The following DNAAF4 variants were observed in gnomAD, a reference collection of about 807,000 sequenced individuals.
The protein encoded by DNAAF4 is dynein axonemal assembly factor 4.
Under a neutral mutation model 51.8 loss-of-function variants are expected in DNAAF4, and 43 were observed. That is an observed-to-expected ratio of 0.83 (90% confidence interval 0.65 to 1.07). The LOEUF is 1.07. Among genes scored for constraint, DNAAF4 ranks in the 50% least tolerant of loss-of-function variants. DNAAF4 has a pLI of 0.00. For missense variants in DNAAF4, 581 were observed against 493.0 expected, an observed-to-expected ratio of 1.18 and a Z score of -1.69; for synonymous variants, 194 against 165.6, an observed-to-expected ratio of 1.17 and a Z score of -1.32.
chr15:55,425,452 A>G (rs1281834166), downstream of DNAAF4, among the ~76,000 whole-genome samples: 2 of 152,142 alleles, frequency 1.3e-5, no homozygotes, highest in Non-Finnish European at 1.5e-5. Flanking sequence ...CTACTTGTCC[A>G]TGCCATATTT....
intron 1 of DNAAF4, among the ~76,000 whole-genome samples, chr15:55,500,002 C>T (rs367845365): frequency 6.6e-6 from 1 of 152,082 alleles, no homozygotes; most frequent in East Asian, 1.9e-4. Context: ...TTTAGATACA[C>T]ACAAATTACT....
chr15:55,429,710 G>A (rs1442101293), downstream of DNAAF4, among the ~76,000 whole-genome samples: 7 of 151,504 alleles, frequency 4.6e-5, no homozygotes, highest in Non-Finnish European at 1.0e-4. Context: ...CCATCTACTC[G>A]GGAGGCTAAG....
intron 1 of DNAAF4, among the ~76,000 whole-genome samples, chr15:55,504,339 C>G (rs183950536): frequency 6.6e-6 from 1 of 152,088 alleles, no homozygotes; most frequent in African/African-American, 2.4e-5. Flanking sequence ...GAAAATGGTC[C>G]TACTGCCCAA....
chr15:55,463,465 G>A (rs1457561555), intron 5 of DNAAF4, among the ~76,000 whole-genome samples: 1 of 151,982 alleles, frequency 6.6e-6, no homozygotes, highest in African/African-American at 2.4e-5. Context: ...GAAAGAAAGA[G>A]CATCTAAATC....
In DNAAF4 at chr15:55,498,189, C is replaced by G. The variant is rs764764873; in HGVS notation, c.123+18G>C. On this transcript the variant is annotated intron_variant, in intron 2 of 9. Transcript: ENST00000321149. ...GACCACACCCCCGGAGACCGGCAGGCAAGACTTGCATTCTTACCTTCAGAT... is the reference window on the plus strand; with the variant it reads ...GACCACACCCCCGGAGACCGGCAGGGAAGACTTGCATTCTTACCTTCAGAT... 5 of 1,613,932 alleles carry G rather than the reference C, an allele frequency of 3.1e-6. No individual in the cohort carries two copies. The South Asian group carries it at 5.5e-5, about 18-fold the overall frequency.
At chr15:55,453,845 T>G (rs1448806316) in intron 5 of DNAAF4, among the ~76,000 whole-genome samples, 3 of 151,848 alleles carry the variant, frequency 2.0e-5, no homozygotes, top group Admixed American at 6.6e-5. Flanking sequence ...CCACAGCGCC[T>G]GGCCAAAAAA....
Position 55,497,668 on chromosome 15 carries a change from C to G in DNAAF4, c.271+44G>C, listed in dbSNP as rs77409626. On this transcript the variant is annotated intron_variant, in intron 3 of 9. Transcript: ENST00000321149. The stretch of plus-strand genomic sequence containing the variant: ...TAAAATTTTTTAAAAGGTCTGAAAC[C>G]GAAAAGGTACAACCAGATGAACATC... 3.1e-4 allele frequency: 478 copies of G among 1,558,262 alleles called. 1 individual carries two copies. In the African/African-American group the frequency reaches 6.1e-3, roughly 20 times the overall value.
intron 4 of DNAAF4, among the ~76,000 whole-genome samples, chr15:55,470,169 A>T (rs2058233131): frequency 6.6e-6 from 1 of 151,390 alleles, no homozygotes; most frequent in Non-Finnish European, 1.5e-5. Flanking sequence ...GTCCTGCCTC[A>T]GCCTCCTGAG....
At chr15:55,465,238 A>G (rs2058151163) in intron 5 of DNAAF4, among the ~76,000 whole-genome samples, 1 of 152,220 alleles carries the variant, frequency 6.6e-6, no homozygotes, top group Non-Finnish European at 1.5e-5. Context: ...CATTTGATCC[A>G]GCAATCCCCC....
At chr15:55,472,861 G>C (rs2058274203) in intron 4 of DNAAF4, among the ~76,000 whole-genome samples, 1 of 151,828 alleles carries the variant, frequency 6.6e-6, no homozygotes, top group Non-Finnish European at 1.5e-5. Context: ...TGCAAAAATT[G>C]TAAATAAAAC....
At chr15:55,505,430 G>T (rs1042839804) in intron 1 of DNAAF4, among the ~76,000 whole-genome samples, 3 of 151,902 alleles carry the variant, frequency 2.0e-5, no homozygotes, top group Admixed American at 6.6e-5. Flanking sequence ...ATATATAAAA[G>T]ATTATAAATC....
At chr15:55,448,348 T>C (rs1040757651) in intron 6 of DNAAF4, among the ~76,000 whole-genome samples, 2 of 151,918 alleles carry the variant, frequency 1.3e-5, no homozygotes, top group African/African-American at 2.4e-5. Context: ...TCGATGTTCA[T>C]CCAGGATATT....
In DNAAF4 at chr15:55,432,647, A is replaced by G. The variant is rs761290201; in HGVS notation, c.1048-45T>C. On this transcript the variant is annotated intron_variant, in intron 8 of 9. Coordinates refer to ENST00000321149, the MANE Select transcript of DNAAF4 (RefSeq NM_130810.4). ...TATTACAAGAAAGTTATAGTTTCTT[A>G]ATTTAAACAAGCAAAAGGCTGGGCA... is the stretch of plus-strand genomic sequence containing the variant. 2.6e-6 allele frequency: 4 copies of G among 1,523,580 alleles called. No individual in the cohort carries two copies. In the South Asian group the frequency reaches 4.8e-5, roughly 18 times the overall value. 94.4% of individuals were successfully genotyped at this position (1,523,580 alleles called of 1,614,324 possible).
intron 5 of DNAAF4, among the ~76,000 whole-genome samples, chr15:55,452,031 G>A (rs1040266259): frequency 1.3e-4 from 19 of 151,942 alleles, no homozygotes; most frequent in Admixed American, 6.6e-4. Context: ...TGGATCACTT[G>A]AGGTCAGGAG....
intron 6 of DNAAF4, among the ~76,000 whole-genome samples, chr15:55,445,032 C>CTTTTTT (rs35988188): frequency 9.2e-6 from 1 of 109,044 alleles, no homozygotes. Flanking sequence ...ATTGAATACC[C>CTTTTTT]TTTTTTTTTT....
chr15:55,466,215 G>A (rs745682182), intron 5 of DNAAF4, among the ~76,000 whole-genome samples: 1 of 152,226 alleles, frequency 6.6e-6, no homozygotes, highest in African/African-American at 2.4e-5. Flanking sequence ...TTGAGCTCAC[G>A]AGTTCAAGAC....
At chr15:55,420,061 G>T (rs542387526) in intron 7 of DNAAF4, among the ~76,000 whole-genome samples, 32 of 152,216 alleles carry the variant, frequency 2.1e-4, no homozygotes, top group African/African-American at 7.5e-4. Context: ...ATTAATATGT[G>T]ATAATTTTTG....
At chr15:55,454,584 G>C (rs2057989461) in intron 5 of DNAAF4, among the ~76,000 whole-genome samples, 1 of 151,924 alleles carries the variant, frequency 6.6e-6, no homozygotes, top group Admixed American at 6.6e-5. Context: ...CACCATGTTA[G>C]CCAGGCAAGT....
At chr15:55,479,745 G>A (rs889846304) in intron 4 of DNAAF4, among the ~76,000 whole-genome samples, 4 of 152,048 alleles carry the variant, frequency 2.6e-5, no homozygotes, top group African/African-American at 9.7e-5. Context: ...ATAAATGGCC[G>A]CTCTGGGCTC....
Sources: gnomAD v4.1 joint callset for allele counts (sites outside exome capture counted in the v4.1 genomes callset) on GRCh38, gnomAD v4.1.1 for gene constraint, MANE v1.5 for transcripts, NCBI Gene and HGNC (gene_info 2026-07-23, HGNC 2026-07-21) for gene names.